TVP23A: variants seen among roughly 807,000 people sequenced by gnomAD.
TVP23A encodes Golgi apparatus membrane protein TVP23 homolog A.
A neutral mutation model predicts 31.7 loss-of-function variants in TVP23A; 21 were observed. The ratio of observed to expected loss-of-function variants is 0.66; its 90% confidence interval spans 0.47 to 0.95. The LOEUF (loss-of-function observed/expected upper bound fraction) is 0.95. Ranked by LOEUF, TVP23A falls within the 40% of genes least tolerant of loss-of-function variation. The pLI, the probability that TVP23A is intolerant of heterozygous loss-of-function variation, is 0.00. For missense variants in TVP23A, 279 were observed against 255.6 expected, an observed-to-expected ratio of 1.09 and a Z score of -0.62; for synonymous variants, 104 against 96.0, an observed-to-expected ratio of 1.08 and a Z score of -0.49.
At chr16:10,797,444 C>T (rs1024789390) in intron 2 of TVP23A, among the ~76,000 whole-genome samples, 10 of 150,764 alleles carry the variant, frequency 6.6e-5, no homozygotes, top group Admixed American at 3.3e-4. Flanking sequence ...CCCAGCTACT[C>T]GGGAGGCTGA....
At chr16:10,788,776 G>A (rs1340294473) in intron 2 of TVP23A, among the ~76,000 whole-genome samples, 5 of 152,200 alleles carry the variant, frequency 3.3e-5, no homozygotes, top group Non-Finnish European at 7.3e-5. Flanking sequence ...CTCAAACAGC[G>A]TATTTTTAAC....
intron 6 of TVP23A, among the ~76,000 whole-genome samples, chr16:10,771,315 C>T (rs548262820): frequency 5.3e-5 from 8 of 152,148 alleles, no homozygotes; most frequent in Middle Eastern, 3.4e-3. Flanking sequence ...CCAAGGCAGG[C>T]GGGCTGCTTG....
At chr16:10,803,826 A>G (rs193119511) in intron 2 of TVP23A, among the ~76,000 whole-genome samples, 125 of 152,280 alleles carry the variant, frequency 8.2e-4, no homozygotes, top group African/African-American at 2.9e-3. Flanking sequence ...CTTAGCAGTG[A>G]TGTAGATTAG....
downstream of TVP23A, chr16:10,766,646 G>A (rs1329602485): frequency 7.8e-6 from 2 of 255,002 alleles, no homozygotes; most frequent in Admixed American, 5.5e-5. This position sits in a 1 kb window ranked among gnomAD's most constrained non-coding sequence, Gnocchi z 4.8. Context: ...CTTGGTGTCT[G>A]GAACAAAAAA....
At chr16:10,797,952 T>TCTC (rs1403023797) in intron 2 of TVP23A, among the ~76,000 whole-genome samples, 3 of 148,820 alleles carry the variant, frequency 2.0e-5, no homozygotes, top group African/African-American at 7.6e-5. Flanking sequence ...ATTTTTTCTT[T>TCTC]TTCTTTTTTT....
chr16:10,792,394 T>C (rs551701669), intron 2 of TVP23A, among the ~76,000 whole-genome samples: 1 of 152,224 alleles, frequency 6.6e-6, no homozygotes, highest in African/African-American at 2.4e-5. Context: ...CAGGAAGAAG[T>C]ACATTCTCAG....
rs2031483689 is a variant in TVP23A at position 10,770,334 on chromosome 16, G to A, written c.583-3C>T. 6.4e-7 allele frequency: 1 copy of A among 1,551,064 alleles called. No homozygotes were observed. Among genetic ancestry groups the A allele is most frequent in the Non-Finnish European group, 8.7e-7 (1 of 1,146,902 alleles). ...TTCTGAAAGTCACCTGGGCAGGCCT[G>A]CAAGGGGAAAAGTCAACCATGGTTT... On this transcript the variant is annotated splice_region_variant and splice_polypyrimidine_tract_variant and intron_variant, in intron 6 of 7. Coordinates refer to ENST00000299866, the MANE Select transcript of TVP23A (RefSeq NM_001079512.4).
At chr16:10,796,349 G>C (rs116228189) in intron 2 of TVP23A, among the ~76,000 whole-genome samples, 1 of 151,950 alleles carries the variant, frequency 6.6e-6, no homozygotes, top group African/African-American at 2.4e-5. Context: ...TCAAAAAAAA[G>C]AACAATTTAA....
At chr16:10,770,784 T>C (rs563647264) in intron 6 of TVP23A, among the ~76,000 whole-genome samples, 172 of 139,088 alleles carry the variant, frequency 1.2e-3, no homozygotes, top group African/African-American at 4.4e-3. Context: ...GGCAGGAGAA[T>C]CACTTGAACC....
rs2030951029 is a variant in TVP23A at position 10,766,810 on chromosome 16, C to A, written c.*2292G>T. ...TTAAATACCCTCTACTTGAGGTACGCCCTATATAAACGAAAAGGATGAAGT... is the reference window on the plus strand; with the variant it reads ...TTAAATACCCTCTACTTGAGGTACGACCTATATAAACGAAAAGGATGAAGT... On this transcript the variant is annotated 3_prime_UTR_variant, in exon 8 of 8. Transcript: ENST00000299866. The surrounding 1 kb of genome is among the most constrained non-coding windows in gnomAD (Gnocchi z 4.8). 2.5e-6 allele frequency: 1 copy of A among 397,494 alleles called. No individual in the cohort carries two copies. Among genetic ancestry groups the A allele is most frequent in the Non-Finnish European group, 4.4e-6 (1 of 225,956 alleles). The allele number at this position is 397,494 out of a possible 1,614,324, so 24.6% of individuals were successfully genotyped here.
chr16:10,802,870 C>T (rs560621986), intron 2 of TVP23A, among the ~76,000 whole-genome samples: 5 of 152,234 alleles, frequency 3.3e-5, no homozygotes, highest in Admixed American at 6.5e-5. Flanking sequence ...CACATAATCA[C>T]GAATGCTAAA....
chr16:10,778,076 G>C (rs8058634), intron 2 of TVP23A, among the ~76,000 whole-genome samples: 2,232 of 152,272 alleles, frequency 0.015, 66 homozygotes, highest in African/African-American at 0.051. Context: ...GCTCACACCT[G>C]TAATCCTAGC....
chr16:10,770,205 G>T (rs2031468412), intron 7 of TVP23A, 67 bp downstream of exon 7: 1 of 1,537,322 alleles, frequency 6.5e-7, no homozygotes, highest in African/African-American at 1.4e-5. Flanking sequence ...GGGCCCCTGT[G>T]CCCCAAGAGC....
At chr16:10,806,498 T>C (rs984446710) in intron 2 of TVP23A, among the ~76,000 whole-genome samples, 3 of 152,172 alleles carry the variant, frequency 2.0e-5, no homozygotes, top group African/African-American at 7.2e-5. Context: ...TCAGATTTTA[T>C]TGTTTTTTAT....
chr16:10,782,179 CA>C (rs2032468000), intron 2 of TVP23A, among the ~76,000 whole-genome samples: 1 of 151,964 alleles, frequency 6.6e-6, no homozygotes, highest in African/African-American at 2.4e-5. Context: ...ACAACCTTCC[CA>C]CACTCAGCTG....
rs2032080700 is a variant in TVP23A at position 10,777,086 on chromosome 16, C to T, written c.90-1990G>A. Among the ~76,000 whole-genome samples, 3 of 152,184 alleles carry T rather than the reference C, an allele frequency of 2.0e-5. No individual in the cohort carries two copies. The highest frequency in any genetic ancestry group is 4.1e-4 in the South Asian group (2 of 4,836). On this transcript the variant is annotated intron_variant, in intron 2 of 7. Transcript: ENST00000299866. The surrounding 1 kb of genome is among the most constrained non-coding windows in gnomAD (Gnocchi z 4.5). ...CAGTAGGTCTCAGCCTCGTTTTACC[C>T]AGCCCCTATTCAAGATGGAGTTGCT...
At chr16:10,765,327 T>TAAAAA (rs533208449), downstream of TVP23A, among the ~76,000 whole-genome samples, 3 of 111,260 alleles carry the variant, frequency 2.7e-5, no homozygotes, top group African/African-American at 6.8e-5. The surrounding 1 kb of genome is among the most constrained non-coding windows in gnomAD (Gnocchi z 4.0). Flanking sequence ...CCTCATCTCT[T>TAAAAA]AAAAAAAAAA....
chr16:10,797,874 A>AG (rs2033477270), intron 2 of TVP23A, among the ~76,000 whole-genome samples: 1 of 151,886 alleles, frequency 6.6e-6, no homozygotes, highest in Non-Finnish European at 1.5e-5. Context: ...TCATTGAATG[A>AG]GGGTGATAGG....
downstream of TVP23A, chr16:10,761,751 T>C (rs1466015747): frequency 6.2e-7 from 1 of 1,611,214 alleles, no homozygotes. Context: ...TGAATTTGCC[T>C]TGCAGAAAGA....
Sources: gnomAD v4.1 joint callset for allele counts (sites outside exome capture counted in the v4.1 genomes callset) on GRCh38, gnomAD v4.1.1 for gene constraint, Gnocchi (gnomAD v3.1) non-coding constraint, MANE v1.5 for transcripts, NCBI Gene and HGNC (gene_info 2026-07-23, HGNC 2026-07-21) for gene names.